CHRD: variants seen among roughly 807,000 people sequenced by gnomAD.
The protein encoded by CHRD is chordin.
In CHRD, 69 loss-of-function variants were observed where a neutral mutation model predicts 113.7. The observed-to-expected ratio is 0.61, with a 90% CI of 0.50 to 0.74. The LOEUF is 0.74. Among genes scored for constraint, CHRD ranks in the 30% least tolerant of loss-of-function variants. The pLI is 0.00. For missense variants in CHRD, 1,194 were observed against 1,295.8 expected, an observed-to-expected ratio of 0.92 and a Z score of 1.21; for synonymous variants, 561 against 540.8, an observed-to-expected ratio of 1.04 and a Z score of -0.52.
At position 184,383,683 on chromosome 3, in the gene CHRD, A is replaced by G. The variant is rs757408571; in HGVS notation, c.1440+41A>G. 5.1e-6 allele frequency: 8 copies of G among 1,558,440 alleles called. No individual in the cohort carries two copies. The African/African-American group carries it at 9.5e-5, about 19-fold the overall frequency. On this transcript the variant is annotated intron_variant, in intron 12 of 22. Coordinates refer to ENST00000204604, the Ensembl canonical transcript of CHRD. The stretch of plus-strand genomic sequence containing the variant: ...GGAGCTGGACCCCAGGGCCCAATGC[A>G]TGGGCTGTGGGAAGCCAGGTTGGAT...
At chr3:184,383,069 G>C in exon 10 of CHRD, 1 of 1,611,796 alleles carries the variant, frequency 6.2e-7, no homozygotes, top group Non-Finnish European at 8.5e-7. Context: ...AGATGGACTG[G>C]CTGGTGCTGG....
exon 8 of CHRD, chr3:184,382,686 G>A (rs931125688): frequency 6.2e-7 from 1 of 1,613,886 alleles, no homozygotes; most frequent in South Asian, 1.1e-5. Flanking sequence ...AGGGCGTAGG[G>A]GGCATCACCC....
In CHRD at chr3:184,380,680, C is replaced by G; in HGVS notation, c.149-12C>G. 1 of 1,572,002 alleles carries G rather than the reference C, an allele frequency of 6.4e-7. No homozygotes were observed. The highest frequency in any genetic ancestry group is 2.4e-5 in the East Asian group (1 of 41,348). ...GCTGGGCAGCGGCCTCCAGCCAAGC[C>G]CGTCCCCGCAGGCTGCACCTTCGGC... On this transcript the variant is annotated splice_polypyrimidine_tract_variant and intron_variant, in intron 1 of 22. Coordinates refer to ENST00000204604, the Ensembl canonical transcript of CHRD. The surrounding 1 kb of genome is among the most constrained non-coding windows in gnomAD (Gnocchi z 6.3).
Position 184,384,882 on chromosome 3 carries a change from C to A in CHRD, c.1598-136C>A. On this transcript the variant is annotated intron_variant, in intron 13 of 22. Coordinates refer to ENST00000204604, the Ensembl canonical transcript of CHRD. The surrounding 1 kb of genome is among the most constrained non-coding windows in gnomAD (Gnocchi z 4.4). ...CTGAGGTTCAAGGGTCTAAAACTTGCTGCTCTCCAGGCCCTGGACCTATGG... is the reference window on the plus strand; with the variant it reads ...CTGAGGTTCAAGGGTCTAAAACTTGATGCTCTCCAGGCCCTGGACCTATGG... 2.5e-6 allele frequency: 3 copies of A among 1,205,778 alleles called. No homozygotes were observed. Among genetic ancestry groups the A allele is most frequent in the Non-Finnish European group, 3.5e-6 (3 of 853,990 alleles). The allele number at this position is 1,205,778 out of a possible 1,614,324, so 74.7% of individuals were successfully genotyped here.
Position 184,380,642 on chromosome 3 carries a change from G to T in CHRD, c.149-50G>T, listed in dbSNP as rs1715175292. 2.8e-6 allele frequency: 4 copies of T among 1,433,672 alleles called. No individual in the cohort carries two copies. The highest frequency in any genetic ancestry group is 3.7e-6 in the Non-Finnish European group (4 of 1,081,578). The allele number at this position is 1,433,672 out of a possible 1,614,324, so 88.8% of individuals were successfully genotyped here. ...GGACCCGCGGGCAGCCCCCGGGGCGGCACACGGCGCGAGCTGGGCAGCGGC... is the reference window on the plus strand; with the variant it reads ...GGACCCGCGGGCAGCCCCCGGGGCGTCACACGGCGCGAGCTGGGCAGCGGC... On this transcript the variant is annotated intron_variant, in intron 1 of 22. Coordinates refer to ENST00000204604, the Ensembl canonical transcript of CHRD. This position sits in a 1 kb window ranked among gnomAD's most constrained non-coding sequence, Gnocchi z 6.3.
At position 184,381,472 on chromosome 3, in the gene CHRD, G is replaced by A; in HGVS notation, c.383-24G>A. On this transcript the variant is annotated intron_variant, in intron 3 of 22. Transcript: ENST00000204604. This position sits in a 1 kb window ranked among gnomAD's most constrained non-coding sequence, Gnocchi z 4.7. ...CCTTTCCCATGGCCAGCTGAAGCCC[G>A]TGTTCTTACCCCCCCGCCCGCAGAG... is the stretch of plus-strand genomic sequence containing the variant. The A allele has an allele frequency of 1.9e-6, 3 of 1,587,844 alleles. No homozygotes were observed. The highest frequency in any genetic ancestry group is 1.1e-5 in the South Asian group (1 of 88,072).
chr3:184,381,539 G>A lies in CHRD; in HGVS notation c.426G>A (p.Glu142=), dbSNP rs1360376046. The change falls in exon 4 of 23, where the codon GAG becomes GAA. Residue 142 remains glutamate, a synonymous_variant. Transcript: ENST00000204604. The surrounding 1 kb of genome is among the most constrained non-coding windows in gnomAD (Gnocchi z 4.7). ...GGCAGCCGAGCGGCCTGTCCTTCGA[G>A]TATCCGCGGGACCCGGAGCATCGCA... 3.7e-6 allele frequency: 6 copies of A among 1,607,676 alleles called. No homozygotes were observed. The highest frequency in any genetic ancestry group is 1.7e-5 in the Admixed American group (1 of 59,678).
chr3:184,380,971 G>T lies in CHRD; in HGVS notation c.252+176G>T. ...CAATTCTTAGGTGCTGTTACTGATC[G>T]CCCACTCTGTGTGAGGCTCTGTGCC... On this transcript the variant is annotated intron_variant, in intron 2 of 22. Coordinates refer to ENST00000204604, the Ensembl canonical transcript of CHRD. The surrounding 1 kb of genome is among the most constrained non-coding windows in gnomAD (Gnocchi z 6.3). 1.4e-6 allele frequency: 1 copy of T among 734,936 alleles called. No individual in the cohort carries two copies. Among genetic ancestry groups the T allele is most frequent in the Non-Finnish European group, 2.4e-6 (1 of 415,580 alleles). The allele number at this position is 734,936 out of a possible 1,614,324, so 45.5% of individuals were successfully genotyped here.
In CHRD at chr3:184,387,593, A is replaced by T; in HGVS notation, c.2451+116A>T. On this transcript the variant is annotated intron_variant, in intron 19 of 22. Transcript: ENST00000204604. This position sits in a 1 kb window ranked among gnomAD's most constrained non-coding sequence, Gnocchi z 6.1. ...TGAGGAGGGCTCAAGAATCAAAACG[A>T]TATGAGAAAAGGCCCTTGCGCTCTG... 9 of 983,934 alleles carry T rather than the reference A, an allele frequency of 9.1e-6. No homozygotes were observed. In the South Asian group the frequency reaches 1.4e-4, roughly 15 times the overall value. 61.0% of individuals were successfully genotyped at this position (983,934 alleles called of 1,614,324 possible).
chr3:184,388,380 CATTG>C lies in CHRD; in HGVS notation c.2555-204_2555-201del, dbSNP rs2108662737. On this transcript the variant is annotated intron_variant, in intron 20 of 22. Coordinates refer to ENST00000204604, the Ensembl canonical transcript of CHRD. This position sits in a 1 kb window ranked among gnomAD's most constrained non-coding sequence, Gnocchi z 6.1. ...CCCTCCATCCATCCACCCATCCACC[CATTG>C]ATGCATCCATCCATCCATCCATCCA... 6.8e-6 allele frequency among the ~76,000 whole-genome samples: 1 copy of C among 146,204 alleles called. No homozygotes were observed. Among genetic ancestry groups the C allele is most frequent in the East Asian group, 2.0e-4 (1 of 5,068 alleles).
intron 12 of CHRD, among the ~76,000 whole-genome samples, chr3:184,383,879 C>T (rs368338234): frequency 1.3e-5 from 2 of 148,656 alleles, no homozygotes; most frequent in African/African-American, 5.0e-5. Context: ...TGGGTTCAAG[C>T]GATTCTCCTG....
At chr3:184,383,754 C>A in intron 12 of CHRD, 112 bp downstream of exon 12, 165 of 846,936 alleles carry the variant, frequency 1.9e-4, no homozygotes, top group Middle Eastern at 3.3e-4. Context: ...GGTTCTCCCA[C>A]TCATTCATTT....
In CHRD at chr3:184,381,703, C is replaced by T. The variant is rs2108642056; in HGVS notation, c.512-13C>T. 1 of 1,612,238 alleles carries T rather than the reference C, an allele frequency of 6.2e-7. No homozygotes were observed. Among genetic ancestry groups the T allele is most frequent in the Non-Finnish European group, 8.5e-7 (1 of 1,179,606 alleles). Reference sequence around the variant, plus strand: ...CGTTTGACAGTGCTCAGGCCATCTTCCTCCCGTCCCAGACTTCGTGGCGCT... The same window carrying T: ...CGTTTGACAGTGCTCAGGCCATCTTTCTCCCGTCCCAGACTTCGTGGCGCT... On this transcript the variant is annotated splice_polypyrimidine_tract_variant and intron_variant, in intron 4 of 22. Coordinates refer to ENST00000204604, the Ensembl canonical transcript of CHRD. The surrounding 1 kb of genome is among the most constrained non-coding windows in gnomAD (Gnocchi z 4.7).
In CHRD at chr3:184,382,510, G is replaced by A. The variant is rs751873659; in HGVS notation, c.821G>A (p.Arg274Gln). The change falls in exon 7 of 23, where the codon CGG becomes CAG. Residue 274 changes from arginine (R) to glutamine (Q), a missense_variant. Physicochemically the swap from Arg to Gln is conservative, Grantham distance 43. Coordinates refer to ENST00000204604, the Ensembl canonical transcript of CHRD. ...GGGGAGGTCTGGGGGCCTCTCATCC[G>A]GCACCGGGCCCTGGCTGCAGGTAGG... 1.2e-5 allele frequency: 20 copies of A among 1,613,784 alleles called. No individual in the cohort carries two copies. The Admixed American group carries it at 1.3e-4, about 11-fold the overall frequency.
At chr3:184,385,079 G>A in exon 14 of CHRD, 9 of 1,614,148 alleles carry the variant, frequency 5.6e-6, no homozygotes, top group Non-Finnish European at 7.6e-6. Context: ...AAGCAGCAGG[G>A]CACGCCTGGC....
chr3:184,386,773 G>T lies in CHRD; in HGVS notation c.2196+18G>T, dbSNP rs1412905387. ...CCTGCCAGGTAGGAGGTCCTGGAAG[G>T]GCACACTGGGTCCTGGGATCTGGAG... On this transcript the variant is annotated intron_variant, in intron 16 of 22. Coordinates refer to ENST00000204604, the Ensembl canonical transcript of CHRD. The T allele has an allele frequency of 1.9e-5, 30 of 1,613,228 alleles. No homozygotes were observed. Among genetic ancestry groups the T allele is most frequent in the Non-Finnish European group, 2.4e-5 (28 of 1,179,850 alleles).
chr3:184,380,569 C>A lies in CHRD; in HGVS notation c.148+103C>A, dbSNP rs1272346356. On this transcript the variant is annotated intron_variant, in intron 1 of 22. Coordinates refer to ENST00000204604, the Ensembl canonical transcript of CHRD. The surrounding 1 kb of genome is among the most constrained non-coding windows in gnomAD (Gnocchi z 6.3). ...GGCGCAGGTGGCTCGGCGCGGCGGG[C>A]GGCCCGGAGGGTGGGCGGGGGCAGA... 1 of 1,028,982 alleles carries A rather than the reference C, an allele frequency of 9.7e-7. No individual in the cohort carries two copies. The highest frequency in any genetic ancestry group is 4.7e-5 in the South Asian group (1 of 21,376). 63.7% of individuals were successfully genotyped at this position (1,028,982 alleles called of 1,614,324 possible).
intron 22 of CHRD, 115 bp from the exon 23 acceptor site, chr3:184,389,252 A>G (rs1474781468): frequency 4.2e-6 from 4 of 944,434 alleles, no homozygotes; most frequent in Admixed American, 4.7e-5. Flanking sequence ...ACCTGTTTAG[A>G]AAATACTGGC....
Position 184,388,142 on chromosome 3 carries a change from C to CAGTATAA in CHRD, c.2554+109_2554+110insAGTATAA. The CAGTATAA allele has an allele frequency of 2.2e-6, 2 of 924,190 alleles. No homozygotes were observed. Among genetic ancestry groups the CAGTATAA allele is most frequent in the Non-Finnish European group, 3.4e-6 (2 of 581,808 alleles). The allele number at this position is 924,190 out of a possible 1,614,324, so 57.2% of individuals were successfully genotyped here. A position where few individuals can be genotyped will look rare whatever the true frequency, so the allele number is the denominator to read the frequency against. On this transcript the variant is annotated intron_variant, in intron 20 of 22. Transcript: ENST00000204604. The surrounding 1 kb of genome is among the most constrained non-coding windows in gnomAD (Gnocchi z 6.1). ...ATTGAGCATTATACTGAGCACTGCT[C>CAGTATAA]TGTGCCTAGCCTGGAGCCAGGACTC...
Sources: gnomAD v4.1 joint callset for allele counts (sites outside exome capture counted in the v4.1 genomes callset) on GRCh38, gnomAD v4.1.1 for gene constraint, Gnocchi (gnomAD v3.1) non-coding constraint, MANE v1.5 for transcripts, NCBI Gene and HGNC (gene_info 2026-07-23, HGNC 2026-07-21) for gene names.